FOCAD: variants seen among roughly 807,000 people sequenced by gnomAD.
FOCAD encodes KIAA1797.
FOCAD carries 198 observed loss-of-function variants against 225.6 expected under a neutral mutation model. That is an observed-to-expected ratio of 0.88 (90% CI 0.78 to 0.99). The LOEUF is 0.99. Ranked by LOEUF, FOCAD falls within the 50% of genes least tolerant of loss-of-function variation. FOCAD has a pLI of 0.00. For synonymous variants in FOCAD, 897 were observed against 755.0 expected (o/e 1.19, Z -3.08); for missense variants, 2,713 against 2,123.6 (o/e 1.28, Z -5.46).
chr9:20,917,083 C>T (rs1441117891), intron 24 of FOCAD, 146 bp downstream of exon 24: 1 of 620,154 alleles, frequency 1.6e-6, no homozygotes, highest in Non-Finnish European at 2.7e-6. Context: ...TAATCGTTAC[C>T]CTTCTTATAG....
At chr9:20,711,423 A>G (rs1824841134) in intron 1 of FOCAD, among the ~76,000 whole-genome samples, 2 of 152,222 alleles carry the variant, frequency 1.3e-5, no homozygotes, top group African/African-American at 4.8e-5. Context: ...CCCGCTATGA[A>G]AATTTCACAG....
At chr9:20,673,762 G>T (rs1043732825) in intron 2 of FOCAD, among the ~76,000 whole-genome samples, 2 of 152,070 alleles carry the variant, frequency 1.3e-5, no homozygotes, top group Non-Finnish European at 2.9e-5. Flanking sequence ...GCCACACGTG[G>T]TGTCTCACCA....
chr9:20,662,652 G>T (rs1023891888), intron 2 of FOCAD, among the ~76,000 whole-genome samples: 2 of 151,884 alleles, frequency 1.3e-5, no homozygotes, highest in East Asian at 1.9e-4. Flanking sequence ...AGAGGTGGGG[G>T]TCTCATTATA....
intron 1 of FOCAD, among the ~76,000 whole-genome samples, chr9:20,688,641 A>T (rs1822799574): frequency 6.6e-6 from 1 of 152,160 alleles, no homozygotes; most frequent in Admixed American, 6.6e-5. Context: ...AGAAAGAATA[A>T]AGCAGAAGGG....
chr9:20,793,010 CTT>C (rs1364080460), intron 11 of FOCAD, among the ~76,000 whole-genome samples: 5 of 152,158 alleles, frequency 3.3e-5, no homozygotes, highest in Admixed American at 2.6e-4. Flanking sequence ...CACAAAGAGT[CTT>C]TGGACACTTT....
chr9:20,958,256 A>T (rs1396506246), intron 35 of FOCAD, among the ~76,000 whole-genome samples: 1 of 152,198 alleles, frequency 6.6e-6, no homozygotes, highest in Non-Finnish European at 1.5e-5. Context: ...CAAAAAACAA[A>T]TGATAACAAT....
intron 1 of FOCAD, among the ~76,000 whole-genome samples, chr9:20,695,047 A>T (rs937578722): frequency 6.6e-6 from 1 of 152,204 alleles, no homozygotes; most frequent in African/African-American, 2.4e-5. Flanking sequence ...GAAACCGAGT[A>T]CTTTGTCCTG....
intron 5 of FOCAD, among the ~76,000 whole-genome samples, chr9:20,748,639 A>T (rs1358182357): frequency 6.6e-6 from 1 of 152,172 alleles, no homozygotes. Context: ...GTAGGGCAGT[A>T]ATTGAGAAAA....
At chr9:20,715,953 A>G (rs1825295905) in intron 2 of FOCAD, among the ~76,000 whole-genome samples, 1 of 152,248 alleles carries the variant, frequency 6.6e-6, no homozygotes. Context: ...CTAACTAGAA[A>G]CATTCTGGTT....
At chr9:20,898,752 A>G (rs967318371) in intron 21 of FOCAD, among the ~76,000 whole-genome samples, 1 of 151,878 alleles carries the variant, frequency 6.6e-6, no homozygotes, top group Non-Finnish European at 1.5e-5. Context: ...TCTTTAAGCT[A>G]TGTATTTTAC....
chr9:20,881,976 A>C lies in FOCAD; in HGVS notation c.2423A>C (p.Lys808Thr). The C allele has an allele frequency of 1.2e-6, 2 of 1,614,010 alleles. No individual in the cohort carries two copies. Among genetic ancestry groups the C allele is most frequent in the Non-Finnish European group, 1.7e-6 (2 of 1,179,902 alleles). The change falls in exon 20 of 44, where the codon AAG becomes ACG. Residue 808 changes from lysine (K) to threonine (T), a missense_variant. By Grantham distance (78) the Lys-to-Thr change is moderately conservative. Coordinates refer to ENST00000338382, the MANE Select transcript of FOCAD (RefSeq NM_001375567.1). The part of the protein sequence containing the change: ...LKGGARSDQG[K>T]TVAGIPNFIL... The stretch of plus-strand genomic sequence containing the variant: ...GGAGGTGCCCGCTCAGACCAAGGAA[A>C]GACTGTAGCAGGAATCCCCAATTTT...
At chr9:20,685,324 G>A (rs774909882) in intron 1 of FOCAD, among the ~76,000 whole-genome samples, 1 of 151,930 alleles carries the variant, frequency 6.6e-6, no homozygotes, top group Non-Finnish European at 1.5e-5. Flanking sequence ...GAAGAGGAAT[G>A]GGATTAGTAT....
chr9:20,898,961 C>G (rs1296080774), intron 21 of FOCAD, among the ~76,000 whole-genome samples: 1 of 151,826 alleles, frequency 6.6e-6, no homozygotes, highest in Non-Finnish European at 1.5e-5. Flanking sequence ...GGATTTTTTT[C>G]TCTTTTTTAA....
At chr9:20,723,406 C>G (rs534183957) in intron 4 of FOCAD, among the ~76,000 whole-genome samples, 2 of 152,152 alleles carry the variant, frequency 1.3e-5, no homozygotes, top group Non-Finnish European at 2.9e-5. Context: ...GAGAATCACT[C>G]GAACCCGGGA....
At chr9:20,745,507 G>T (rs984759799) in intron 5 of FOCAD, among the ~76,000 whole-genome samples, 4 of 152,068 alleles carry the variant, frequency 2.6e-5, no homozygotes, top group African/African-American at 9.7e-5. Flanking sequence ...ATTATTAGAG[G>T]CTCATTTTCT....
intron 18 of FOCAD, among the ~76,000 whole-genome samples, chr9:20,868,886 A>T (rs1439937034): frequency 6.6e-6 from 1 of 152,118 alleles, no homozygotes; most frequent in Non-Finnish European, 1.5e-5. Context: ...TTTATGGAGA[A>T]TCATTGCTTC....
intron 11 of FOCAD, among the ~76,000 whole-genome samples, chr9:20,795,408 C>G (rs1440689169): frequency 6.6e-6 from 1 of 152,092 alleles, no homozygotes; most frequent in Non-Finnish European, 1.5e-5. Context: ...AAAAAATTCA[C>G]TTGTGTACTG....
chr9:20,987,748 A>G (rs12342857), intron 40 of FOCAD, among the ~76,000 whole-genome samples: 3,780 of 152,356 alleles, frequency 0.025, 148 homozygotes, highest in African/African-American at 0.079. Context: ...AACCAGAACC[A>G]GCCAGCTCTC....
intron 16 of FOCAD, among the ~76,000 whole-genome samples, chr9:20,864,506 G>A (rs1441631263): frequency 6.6e-6 from 1 of 151,874 alleles, no homozygotes; most frequent in Non-Finnish European, 1.5e-5. Flanking sequence ...ATATATTTTA[G>A]GAAGAAAAGG....
Sources: gnomAD v4.1 joint callset for allele counts (sites outside exome capture counted in the v4.1 genomes callset) on GRCh38, gnomAD v4.1.1 for gene constraint, MANE v1.5 for transcripts, NCBI Gene and HGNC (gene_info 2026-07-23, HGNC 2026-07-21) for gene names.